Variants in CRACD observed in about 807,000 individuals in gnomAD.
CRACD encodes capping protein inhibiting regulator of actin dynamics.
In CRACD, 56 loss-of-function variants were observed where a neutral mutation model predicts 106.8. The ratio of observed to expected loss-of-function variants is 0.52; its 90% CI spans 0.42 to 0.66. The LOEUF (loss-of-function observed/expected upper bound fraction) is 0.66. Ranked by LOEUF, CRACD falls within the 30% of genes least tolerant of loss-of-function variation. The pLI, the probability that CRACD is intolerant of heterozygous loss-of-function variation, is 0.00. For synonymous variants in CRACD, 754 were observed against 670.8 expected (o/e 1.12, Z -1.92); for missense variants, 1,730 against 1,623.2 (o/e 1.07, Z -1.13).
chr4:56,149,756 T>C (rs994327225), intron 1 of CRACD, among the ~76,000 whole-genome samples: 1 of 152,238 alleles, frequency 6.6e-6, no homozygotes, highest in Admixed American at 6.5e-5. Flanking sequence ...AGATGAGCTG[T>C]GCATGTGTTG....
intron 2 of CRACD, among the ~76,000 whole-genome samples, chr4:56,197,289 T>G (rs1453914659): frequency 6.6e-6 from 1 of 152,154 alleles, no homozygotes; most frequent in Non-Finnish European, 1.5e-5. Flanking sequence ...TGTAGCTAAT[T>G]CATTCTTGCC....
chr4:56,320,201 G>A (rs539782330), intron 8 of CRACD, among the ~76,000 whole-genome samples: 15 of 151,170 alleles, frequency 9.9e-5, no homozygotes, highest in African/African-American at 1.7e-4. Flanking sequence ...AAATTCTAAC[G>A]TACTTAGGGT....
Position 56,090,687 on chromosome 4 carries a change from G to A in CRACD, c.-336+41388G>A, listed in dbSNP as rs77643756. Among the ~76,000 whole-genome samples the A allele has an allele frequency of 6.9e-3, 1,045 of 152,158 alleles. 9 individuals are homozygous for A. The highest frequency in any genetic ancestry group is 0.024 in the African/African-American group (982 of 41,510). On this transcript the variant is annotated intron_variant, in intron 1 of 10. Transcript: ENST00000682029. ...TGGGGTTATATGTGTAAGCCACTGC[G>A]CCCAGTCAGGGCCAGGGATTTTTGA... is the stretch of plus-strand genomic sequence containing the variant.
chr4:56,236,937 C>A (rs1300062526), intron 2 of CRACD, among the ~76,000 whole-genome samples: 1 of 152,164 alleles, frequency 6.6e-6, no homozygotes, highest in African/African-American at 2.4e-5. Flanking sequence ...AAATCTCATG[C>A]ATCACTTTTT....
At chr4:56,166,191 G>A (rs1232002496) in intron 1 of CRACD, among the ~76,000 whole-genome samples, 1 of 152,072 alleles carries the variant, frequency 6.6e-6, no homozygotes, top group Non-Finnish European at 1.5e-5. Context: ...AAGGCAGTTT[G>A]CATTCTGAGC....
intron 1 of CRACD, among the ~76,000 whole-genome samples, chr4:56,153,599 T>C (rs932745404): frequency 6.6e-6 from 1 of 152,104 alleles, no homozygotes; most frequent in African/African-American, 2.4e-5. Flanking sequence ...TGCACTTTTA[T>C]CCATGAAAAT....
intron 1 of CRACD, among the ~76,000 whole-genome samples, chr4:56,062,562 TATTCACATG>T (rs1487701830): frequency 1.3e-5 from 2 of 152,214 alleles, no homozygotes; most frequent in Admixed American, 6.5e-5. Flanking sequence ...CATTGAGGAT[TATTCACATG>T]GAATTTTAAA....
At chr4:56,313,976 G>A in intron 7 of CRACD, 64 bp from the exon 8 acceptor site, 1 of 1,547,150 alleles carries the variant, frequency 6.5e-7, no homozygotes, top group Non-Finnish European at 8.7e-7. Context: ...ACTGTGAATA[G>A]GAAAAGGAAC....
At chr4:56,184,931 AC>A (rs1299569683) in intron 2 of CRACD, among the ~76,000 whole-genome samples, 12 of 152,306 alleles carry the variant, frequency 7.9e-5, no homozygotes, top group Non-Finnish European at 1.8e-4. Context: ...TTTAAAGTGA[AC>A]AATTCAGTGG....
rs747467185 is a variant in CRACD at position 56,316,613 on chromosome 4, G to A, written c.3111G>A (p.Glu1037=). Residue 1037 remains glutamate, a synonymous_variant, in exon 8 of 11, where the codon GAG becomes GAA. Coordinates refer to ENST00000682029, the MANE Select transcript of CRACD (RefSeq NM_001393381.1). ...GGGACGAGGAGGAAGAGGCGACAGA[G>A]AGGAAACCTGCTTCCCCACCTCTGC... ...QKRDEEEEAT[E]RKPASPPLPA... is the part of the protein sequence containing the mutation. 3 of 1,613,312 alleles carry A rather than the reference G, an allele frequency of 1.9e-6. No homozygotes were observed. Among genetic ancestry groups the A allele is most frequent in the Non-Finnish European group, 2.5e-6 (3 of 1,179,916 alleles).
intron 8 of CRACD, among the ~76,000 whole-genome samples, chr4:56,318,444 A>T (rs1240415821): frequency 1.3e-5 from 2 of 152,162 alleles, no homozygotes; most frequent in African/African-American, 4.8e-5. Context: ...TGTTTGTGGC[A>T]CTGGCTTTCA....
chr4:56,202,834 A>G (rs1382265662), intron 2 of CRACD, among the ~76,000 whole-genome samples: 1 of 152,192 alleles, frequency 6.6e-6, no homozygotes, highest in East Asian at 1.9e-4. Flanking sequence ...AAAGATTATA[A>G]TAAAAATCAC....
intron 1 of CRACD, among the ~76,000 whole-genome samples, chr4:56,119,463 TG>T (rs1734409367): frequency 6.6e-6 from 1 of 151,970 alleles, no homozygotes; most frequent in Non-Finnish European, 1.5e-5. Context: ...CCCAAGTAGC[TG>T]GGACTACAGG....
chr4:56,228,866 G>C (rs1045903630), intron 2 of CRACD, among the ~76,000 whole-genome samples: 1 of 152,116 alleles, frequency 6.6e-6, no homozygotes, highest in African/African-American at 2.4e-5. Context: ...GAAGTTAAAG[G>C]TTCCTGTTTC....
At chr4:56,177,296 G>C (rs894823650) in intron 1 of CRACD, among the ~76,000 whole-genome samples, 1 of 152,126 alleles carries the variant, frequency 6.6e-6, no homozygotes, top group East Asian at 1.9e-4. Context: ...TTCATTGAAT[G>C]CTTTTTAGGA....
In CRACD at chr4:56,253,202, A is replaced by T. The variant is rs555973624; in HGVS notation, c.-188-19119A>T. Reference sequence around the variant, plus strand: ...TACTCTGGCCTCTCCCAGGCCCTGAAGGTCATTTATTTTGCAAAATAAGCC... The same window carrying T: ...TACTCTGGCCTCTCCCAGGCCCTGATGGTCATTTATTTTGCAAAATAAGCC... On this transcript the variant is annotated intron_variant, in intron 2 of 10. Coordinates refer to ENST00000682029, the MANE Select transcript of CRACD (RefSeq NM_001393381.1). Among the ~76,000 whole-genome samples, 9 of 152,318 alleles carry T rather than the reference A, an allele frequency of 5.9e-5. No homozygotes were observed. In the South Asian group the frequency reaches 1.5e-3, roughly 25 times the overall value.
rs868178683 is a variant in CRACD, at chr4:56,214,697, C to A, written c.-189+35267C>A. The stretch of plus-strand genomic sequence containing the variant: ...TCTCTCTCTCTATATATATATATAT[C>A]AAACAGTTATTTTTTTTTAAGAGAC... On this transcript the variant is annotated intron_variant, in intron 2 of 10. Coordinates refer to ENST00000682029, the MANE Select transcript of CRACD (RefSeq NM_001393381.1). 5.5e-4 allele frequency among the ~76,000 whole-genome samples: 53 copies of A among 95,990 alleles called. 1 individual carries two copies. The highest frequency in any genetic ancestry group is 2.4e-3 in the African/African-American group (48 of 20,166). The allele number at this position is 95,990 out of a possible 152,430, so 63.0% of individuals were successfully genotyped here.
In CRACD at chr4:56,327,694, A is replaced by G; in HGVS notation, c.3592A>G (p.Lys1198Glu). 5 of 1,614,154 alleles carry G rather than the reference A, an allele frequency of 3.1e-6. No individual in the cohort carries two copies. The South Asian group carries it at 4.4e-5, about 14-fold the overall frequency. The change falls in exon 11 of 11, where the codon AAG (lysine) becomes GAG (glutamate). Residue 1198 changes from lysine (K) to glutamate (E), a missense_variant. Coordinates refer to ENST00000682029, the MANE Select transcript of CRACD (RefSeq NM_001393381.1). ...AGCGCCGCTGGTAAAAGAAGTCACC[A>G]AGAGGTTTTCCACCCCGGATGCTGC... is the stretch of plus-strand genomic sequence containing the variant. ...PPAPLVKEVTKRFSTPDAAPV... is the reference protein window; with the variant it reads ...PPAPLVKEVTERFSTPDAAPV...
intron 1 of CRACD, among the ~76,000 whole-genome samples, chr4:56,085,220 G>A (rs1733172415): frequency 6.6e-6 from 1 of 152,208 alleles, no homozygotes; most frequent in African/African-American, 2.4e-5. Flanking sequence ...GTGGAGAGGT[G>A]TGTGCTGCGC....
Sources: gnomAD v4.1 joint callset for allele counts (sites outside exome capture counted in the v4.1 genomes callset) on GRCh38, gnomAD v4.1.1 for gene constraint, MANE v1.5 for transcripts, NCBI Gene and HGNC (gene_info 2026-07-23, HGNC 2026-07-21) for gene names.